The following PLXNA3 variants were observed in gnomAD, a reference collection of about 807,000 sequenced individuals.
PLXNA3 encodes plexin-A3.
PLXNA3 carries 52 observed loss-of-function variants against 118.8 expected under a neutral mutation model. That is an observed-to-expected ratio of 0.44 (90% CI 0.35 to 0.55). The LOEUF is 0.55. PLXNA3 is among the 20% of genes least tolerant of loss of function. The pLI, the probability that PLXNA3 is intolerant of heterozygous loss-of-function variation, is 0.01. For missense variants in PLXNA3, 1,660 were observed against 1,730.8 expected (o/e 0.96, Z 0.73); for synonymous variants, 925 against 762.4 (o/e 1.21, Z -3.51).
Position 154,463,856 on chromosome X carries a change from C to T in PLXNA3, c.1548-95C>T, listed in dbSNP as rs112138730. On this transcript the variant is annotated intron_variant, in intron 6 of 32. Transcript: ENST00000369682. ...GACGTCCCTCGGGCCCCAGGGGACG[C>T]GGCCAAGGCTCGCTGTTGCCTGGCA... The T allele has an allele frequency of 3.3e-3, 3,638 of 1,089,787 alleles. 75 individuals are homozygous for T. In the African/African-American group the frequency reaches 0.06, roughly 18 times the overall value. The allele number at this position is 1,089,787 out of a possible 1,213,427, so 89.8% of individuals were successfully genotyped here.
rs186879417 is a variant in PLXNA3 at position 154,464,225 on chromosome X, G to A, written c.1740G>A (p.Ala580=). The change falls in exon 8 of 33, where the codon GCG becomes GCA. Residue 580 remains alanine, a synonymous_variant. Coordinates refer to ENST00000369682, the MANE Select transcript of PLXNA3 (RefSeq NM_017514.5). ...TGAGCTGCGCCTTCGAGGCGGCGGC[G>A]GAGAACGAGGCGGTCCTGCTGCCCT... ...AGVSCAFEAA[A]ENEAVLLPSG... 67 of 1,207,091 alleles carry A rather than the reference G, an allele frequency of 5.6e-5. No individual in the cohort carries two copies. Among genetic ancestry groups the A allele is most frequent in the African/African-American group, 5.2e-4 (30 of 57,615 alleles).
At chrX:154,469,508 C>A in intron 27 of PLXNA3, 26 bp downstream of exon 27, 1 of 1,123,219 alleles carries the variant, frequency 8.9e-7, no homozygotes, top group Non-Finnish European at 1.2e-6. Context: ...CCATTCCTCC[C>A]CAGGGCCACC....
Position 154,468,699 on chromosome X carries a change from G to A in PLXNA3, c.4257G>A (p.Trp1419Ter). Residue 1419 changes from tryptophan to a stop codon, truncating the protein, a stop_gained, in exon 24 of 33, where the codon TGG becomes TGA. Transcript: ENST00000369682. LOFTEE classifies it high-confidence loss of function. ...ESVAEKMLTN[W>*]FTFLLHKFLK... is the part of the protein sequence containing the mutation. Reference sequence around the variant, plus strand: ...TGGCTGAGAAGATGCTTACCAACTGGTTCACGTTCCTGCTGCATAAGTTTC... The same window carrying A: ...TGGCTGAGAAGATGCTTACCAACTGATTCACGTTCCTGCTGCATAAGTTTC... 8.3e-7 allele frequency: 1 copy of A among 1,211,796 alleles called. No individual in the cohort carries two copies. Among genetic ancestry groups the A allele is most frequent in the Non-Finnish European group, 1.1e-6 (1 of 895,587 alleles).
chrX:154,471,344 A>G (rs1296099372), intron 31 of PLXNA3, 27 bp downstream of exon 31: 1 of 1,183,916 alleles, frequency 8.4e-7, no homozygotes, highest in African/African-American at 1.8e-5. Context: ...TGTGGGTGGC[A>G]GAGGGCAGGA....
chrX:154,467,119 G>A lies in PLXNA3; in HGVS notation c.3170G>A (p.Arg1057His). 4 of 1,210,510 alleles carry A rather than the reference G, an allele frequency of 3.3e-6. No homozygotes were observed. The highest frequency in any genetic ancestry group is 3.0e-5 in the East Asian group (1 of 33,841). ...HLLTVQEPRV[R>H]AKYRGIETTN... is the part of the protein sequence containing the mutation. ...CTGACGGTCCAGGAGCCCCGGGTCCGTGCCAAGTACCGCGGCATTGAGACC... is the reference window on the plus strand; with the variant it reads ...CTGACGGTCCAGGAGCCCCGGGTCCATGCCAAGTACCGCGGCATTGAGACC... The change falls in exon 18 of 33, where the codon CGT becomes CAT. Residue 1057 changes from arginine (R) to histidine (H), a missense_variant. Transcript: ENST00000369682.
At chrX:154,470,396 C>T in intron 29 of PLXNA3, 46 bp from the exon 30 acceptor site, 2 of 1,164,613 alleles carry the variant, frequency 1.7e-6, no homozygotes, top group South Asian at 1.9e-5. Flanking sequence ...CTGGGGACAT[C>T]CCAACCTGGC....
Position 154,468,216 on chromosome X carries a change from G to T in PLXNA3, c.3955G>T (p.Glu1319Ter). ...CATCGAGGCCCACCCGGTGCTCAAG[G>T]AGCTGGATGTGAGCCTCTGCCTGGC... ...PGIEAHPVLK[E>*]LDTPPNVEKA... Residue 1319 changes from glutamate to a stop codon, truncating the protein, a stop_gained, in exon 22 of 33, where the codon GAG becomes TAG. Coordinates refer to ENST00000369682, the MANE Select transcript of PLXNA3 (RefSeq NM_017514.5). LOFTEE classifies it high-confidence loss of function. 1.7e-6 allele frequency: 2 copies of T among 1,180,003 alleles called. No homozygotes were observed. Among genetic ancestry groups the T allele is most frequent in the Non-Finnish European group, 2.3e-6 (2 of 878,064 alleles).
rs1018950327 is a variant in PLXNA3 at position 154,476,572 on chromosome X, A to T, written c.*3887A>T. On this transcript the variant is annotated 3_prime_UTR_variant, in exon 33 of 33. Coordinates refer to ENST00000369682, the MANE Select transcript of PLXNA3 (RefSeq NM_017514.5). ...TGAGAGCAAAAGAGAGGGAGAGAGG[A>T]AAGTGTCATCTTCATAAGCTGAAGG... The T allele has an allele frequency of 2.7e-5, 3 of 111,821 alleles. No individual in the cohort carries two copies. Among genetic ancestry groups the T allele is most frequent in the African/African-American group, 9.8e-5 (3 of 30,710 alleles). The allele number at this position is 111,821 out of a possible 1,213,427, so 9.2% of individuals were successfully genotyped here.
chrX:154,469,023 C>T, intron 25 of PLXNA3, 33 bp from the exon 26 acceptor site: 1 of 1,210,127 alleles, frequency 8.3e-7, no homozygotes, highest in Non-Finnish European at 1.1e-6. Flanking sequence ...AGGCCTCGCC[C>T]CAGACTGACA....
At position 154,469,015 on chromosome X, in the gene PLXNA3, GC is replaced by G. The variant is rs1347324553; in HGVS notation, c.4435-39del. 6 of 1,208,553 alleles carry G rather than the reference GC, an allele frequency of 5.0e-6. No individual in the cohort carries two copies. In the African/African-American group the frequency reaches 1.0e-4, roughly 21 times the overall value. ...GCCAGAGGTAGGGGTGCAGAGAGAG[GC>G]CTCGCCCCAGACTGACACTGGAGTC... On this transcript the variant is annotated intron_variant, in intron 25 of 32. Transcript: ENST00000369682.
In PLXNA3 at chrX:154,466,194, C is replaced by T. The variant is rs201983357; in HGVS notation, c.2723C>T (p.Pro908Leu). The T allele has an allele frequency of 6.1e-5, 74 of 1,208,759 alleles. No individual in the cohort carries two copies. The highest frequency in any genetic ancestry group is 4.1e-5 in the Non-Finnish European group (37 of 895,263). ...MEESLVPSPPPGPVELCVGDC... is the reference protein window; with the variant it reads ...MEESLVPSPPLGPVELCVGDC... Reference sequence around the variant, plus strand: ...GAGTCGCTGGTGCCCAGCCCGCCGCCGGGGCCCGTGGAGCTGTGTGTGGGT... The same window carrying T: ...GAGTCGCTGGTGCCCAGCCCGCCGCTGGGGCCCGTGGAGCTGTGTGTGGGT... Residue 908 changes from proline to leucine, a missense_variant, in exon 15 of 33, where the codon CCG (proline) becomes CTG (leucine). Transcript: ENST00000369682.
intron 32 of PLXNA3, 74 bp downstream of exon 32, chrX:154,471,712 G>T: frequency 9.8e-7 from 1 of 1,022,460 alleles, no homozygotes; most frequent in Non-Finnish European, 1.4e-6. Flanking sequence ...AGGAGGGTTG[G>T]TGGGGGTTGG....
rs146167713 is a variant in PLXNA3 at position 154,460,435 on chromosome X, C to T, written c.252C>T (p.Arg84=). Residue 84 remains arginine (R), a synonymous_variant, in exon 2 of 33, where the codon CGC becomes CGT. Transcript: ENST00000369682. ...GCTGCTACCCGCCCCCCAGCATGCG[C>T]GTGTGTGCCCACCGCCTGGCCCCCG... ...NARCYPPPSM[R]VCAHRLAPVD... The T allele has an allele frequency of 3.0e-4, 365 of 1,201,580 alleles. No individual in the cohort carries two copies. The highest frequency in any genetic ancestry group is 1.3e-3 in the East Asian group (44 of 33,635).
In PLXNA3 at chrX:154,472,707, G is replaced by A; in HGVS notation, c.*22G>A. ...CTAAGGTGGTGGAATCGGTGAGGAG[G>A]GGGCTTCTCAGTCCTGTGCCGTCCT... On this transcript the variant is annotated 3_prime_UTR_variant, in exon 33 of 33. Coordinates refer to ENST00000369682, the MANE Select transcript of PLXNA3 (RefSeq NM_017514.5). 1 of 1,085,702 alleles carries A rather than the reference G, an allele frequency of 9.2e-7. No homozygotes were observed. The highest frequency in any genetic ancestry group is 1.3e-6 in the Non-Finnish European group (1 of 780,809). The allele number at this position is 1,085,702 out of a possible 1,213,427, so 89.5% of individuals were successfully genotyped here.
chrX:154,463,526 C>T lies in PLXNA3; in HGVS notation c.1446+7C>T, dbSNP rs2069014397. On this transcript the variant is annotated splice_region_variant and intron_variant, in intron 5 of 32. Coordinates refer to ENST00000369682, the MANE Select transcript of PLXNA3 (RefSeq NM_017514.5). ...TCTCCTGAGTGAGAAGCAGGTGGGC[C>T]TGTGGTGGGTGGCGGTGGGTGGTGG... 3 of 969,818 alleles carry T rather than the reference C, an allele frequency of 3.1e-6. No individual in the cohort carries two copies. The African/African-American group carries it at 7.2e-5, about 23-fold the overall frequency. 79.9% of individuals were successfully genotyped at this position (969,818 alleles called of 1,213,427 possible). A position where few individuals can be genotyped will look rare whatever the true frequency, so the allele number is the denominator to read the frequency against.
Position 154,472,791 on chromosome X carries a change from T to TA in PLXNA3, c.*107dup. 1.7e-6 allele frequency: 1 copy of TA among 580,079 alleles called. No homozygotes were observed. The allele number at this position is 580,079 out of a possible 1,213,427, so 47.8% of individuals were successfully genotyped here. A position where few individuals can be genotyped will look rare whatever the true frequency, so the allele number is the denominator to read the frequency against. On this transcript the variant is annotated 3_prime_UTR_variant, in exon 33 of 33. Transcript: ENST00000369682. ...TCCCCGGGCTGAGCCCTGGATTGGG[T>TA]ATCGTGGGGCAGGTCACCCTGGCCA...
chrX:154,458,886 G>A (rs1216091263), intron 1 of PLXNA3, among the ~76,000 whole-genome samples: 1 of 111,721 alleles, frequency 9.0e-6, no homozygotes, highest in Non-Finnish European at 1.9e-5. Context: ...TGCCTCCCCA[G>A]GTCTCCCTCC....
In PLXNA3 at chrX:154,460,503, G is replaced by A. The variant is rs139705497; in HGVS notation, c.320G>A (p.Arg107His). The A allele has an allele frequency of 2.5e-4, 297 of 1,208,565 alleles. 1 individual carries two copies. The African/African-American group carries it at 4.7e-3, about 19-fold the overall frequency. Reference sequence around the variant, plus strand: ...CTGCTGCTCATAGACTATGCGGCCCGCCGCCTGGTGGCCTGCGGCAGCATC... The same window carrying A: ...CTGCTGCTCATAGACTATGCGGCCCACCGCCTGGTGGCCTGCGGCAGCATC... ...NKLLLIDYAA[R>H]RLVACGSIWQ... is the part of the protein sequence containing the mutation. Residue 107 changes from arginine (R) to histidine (H), a missense_variant, in exon 2 of 33, where the codon CGC becomes CAC. Around this residue, in one of 2 missense-constraint regions of PLXNA3, gnomAD observed 791 missense variants for 652.1 expected, o/e 1.21. Transcript: ENST00000369682.
At position 154,469,098 on chromosome X, in the gene PLXNA3, G is replaced by A. The variant is rs1557208505; in HGVS notation, c.4477G>A (p.Val1493Ile). Reference protein sequence around the residue: ...VCPENEGSAQVPVKVLNCDSI... With the variant: ...VCPENEGSAQIPVKVLNCDSI... ...TCCGGAGAACGAGGGCAGCGCCCAG[G>A]TCCCAGTGAAGGTTCTCAACTGTGA... The change falls in exon 26 of 33, where the codon GTC becomes ATC. Residue 1493 changes from valine (V) to isoleucine (I), a missense_variant. Physicochemically the swap from Val to Ile is conservative, Grantham distance 29 (BLOSUM62 3). Coordinates refer to ENST00000369682, the MANE Select transcript of PLXNA3 (RefSeq NM_017514.5). The A allele has an allele frequency of 8.3e-7, 1 of 1,211,318 alleles. No homozygotes were observed. Among genetic ancestry groups the A allele is most frequent in the Non-Finnish European group, 1.1e-6 (1 of 895,502 alleles).
Sources: gnomAD v4.1 joint callset for allele counts (sites outside exome capture counted in the v4.1 genomes callset) on GRCh38, gnomAD v4.1.1 for gene constraint, gnomAD v4.1.1 regional missense constraint, MANE v1.5 for transcripts, NCBI Gene and HGNC (gene_info 2026-07-23, HGNC 2026-07-21) for gene names.